Variants in SAE1 observed in about 807,000 individuals in gnomAD.
SAE1 encodes SUMO1 activating enzyme subunit 1.
SAE1 carries 11 observed loss-of-function variants against 40.6 expected under a neutral mutation model. That is an observed-to-expected ratio of 0.27 (90% CI 0.17 to 0.45). SAE1 has a LOEUF of 0.45. SAE1 is among the 20% of genes least tolerant of loss of function. The pLI, the probability that SAE1 is intolerant of heterozygous loss-of-function variation, is 1.00. For missense variants in SAE1, 373 were observed against 427.3 expected (o/e 0.87, Z 1.12); for synonymous variants, 155 against 154.3 (o/e 1.00, Z -0.03).
At chr19:47,193,804 G>T (rs867665293) in intron 6 of SAE1, among the ~76,000 whole-genome samples, 2 of 149,324 alleles carry the variant, frequency 1.3e-5, no homozygotes, top group Non-Finnish European at 3.0e-5. Context: ...CTCCAGCCTG[G>T]GCAACAGAGC....
intron 4 of SAE1, among the ~76,000 whole-genome samples, chr19:47,154,508 T>C (rs890907219): frequency 8.8e-5 from 12 of 136,908 alleles, no homozygotes; most frequent in Non-Finnish European, 1.6e-4. Flanking sequence ...TTTTTTTTTT[T>C]TTCTGAGACA....
chr19:47,150,160 C>A, intron 2 of SAE1, 42 bp from the exon 3 acceptor site: 1 of 1,337,994 alleles, frequency 7.5e-7, no homozygotes, highest in Non-Finnish European at 1.0e-6. Context: ...TTTATTTTCC[C>A]TAAAAATACA....
At position 47,150,388 on chromosome 19, in the gene SAE1, TTATAA is replaced by T. The variant is rs1347083603; in HGVS notation, c.384+14_384+18del. 4 of 1,587,642 alleles carry T rather than the reference TTATAA, an allele frequency of 2.5e-6. No individual in the cohort carries two copies. The African/African-American group carries it at 5.4e-5, about 21-fold the overall frequency. On this transcript the variant is annotated intron_variant, in intron 3 of 8. Coordinates refer to ENST00000270225, the MANE Select transcript of SAE1 (RefSeq NM_005500.3). ...TCAATTCGATGCTGTAAGTTTCTTA[TTATAA>T]AATCTGCTGTGGGAATTAAACAAAT... is the stretch of plus-strand genomic sequence containing the variant.
At chr19:47,134,828 CAG>C (rs1426986728) in intron 1 of SAE1, among the ~76,000 whole-genome samples, 3 of 151,862 alleles carry the variant, frequency 2.0e-5, no homozygotes, top group African/African-American at 7.3e-5. Context: ...AAGTCAGGGT[CAG>C]GGCATGGAAT....
At chr19:47,139,932 ATTTC>A (rs1452734184) in intron 1 of SAE1, among the ~76,000 whole-genome samples, 3 of 119,792 alleles carry the variant, frequency 2.5e-5, no homozygotes, top group Non-Finnish European at 3.5e-5. Flanking sequence ...CCACTTGGGT[ATTTC>A]TTTTTTTTTT....
chr19:47,182,767 G>C (rs530094628), intron 6 of SAE1, among the ~76,000 whole-genome samples: 178 of 152,224 alleles, frequency 1.2e-3, no homozygotes, highest in African/African-American at 3.7e-3. Flanking sequence ...ATGAAGGCCT[G>C]GCACACATTG....
At chr19:47,146,297 G>A (rs1015025019) in intron 2 of SAE1, among the ~76,000 whole-genome samples, 2 of 152,084 alleles carry the variant, frequency 1.3e-5, no homozygotes, top group African/African-American at 4.8e-5. Context: ...TGACAGGAAG[G>A]GTGACATGGT....
chr19:47,167,128 A>G (rs2058398541), intron 5 of SAE1, among the ~76,000 whole-genome samples: 1 of 151,552 alleles, frequency 6.6e-6, no homozygotes, highest in Non-Finnish European at 1.5e-5. Flanking sequence ...ATTTTTTTGT[A>G]TTTTTAGTAG....
intron 1 of SAE1, among the ~76,000 whole-genome samples, chr19:47,131,650 T>C (rs946812155): frequency 6.6e-6 from 1 of 150,508 alleles, no homozygotes; most frequent in Non-Finnish European, 1.5e-5. Context: ...TGTGTCTTGA[T>C]AGGACAGGAG....
intron 7 of SAE1, among the ~76,000 whole-genome samples, chr19:47,199,815 A>G (rs2058641080): frequency 6.6e-6 from 1 of 152,086 alleles, no homozygotes; most frequent in African/African-American, 2.4e-5. Flanking sequence ...CCACCAAGAG[A>G]TGAGTGCCCC....
chr19:47,145,380 C>T lies in SAE1; in HGVS notation c.210+1775C>T, dbSNP rs1600154286. 2.0e-5 allele frequency among the ~76,000 whole-genome samples: 3 copies of T among 152,110 alleles called. No individual in the cohort carries two copies. The East Asian group carries it at 5.8e-4, about 29-fold the overall frequency. On this transcript the variant is annotated intron_variant, in intron 2 of 8. Coordinates refer to ENST00000270225, the MANE Select transcript of SAE1 (RefSeq NM_005500.3). The stretch of plus-strand genomic sequence containing the variant: ...CAGGTTGGTCTCGAACTCCTGACCT[C>T]AGGTGATCCGCTGGCCTCGGCCTCC...
chr19:47,137,860 C>A (rs1475381953), intron 1 of SAE1, among the ~76,000 whole-genome samples: 3 of 151,622 alleles, frequency 2.0e-5, no homozygotes, highest in Non-Finnish European at 2.9e-5. Context: ...TCTGGAGTAG[C>A]TCGGATTACA....
chr19:47,210,014 TG>T lies in SAE1; in HGVS notation c.*764del, dbSNP rs2058705536. On this transcript the variant is annotated 3_prime_UTR_variant, in exon 9 of 9. Coordinates refer to ENST00000270225, the MANE Select transcript of SAE1 (RefSeq NM_005500.3). ...GCTTCAGGGCTAGGAGGGAGGAGCC[TG>T]CCCTTTTAACAGAACCCCAGTCACA... 1 of 152,210 alleles carries T rather than the reference TG, an allele frequency of 6.6e-6. No homozygotes were observed. The highest frequency in any genetic ancestry group is 2.4e-5 in the African/African-American group (1 of 41,454). The allele number at this position is 152,210 out of a possible 1,614,324, so 9.4% of individuals were successfully genotyped here.
intron 6 of SAE1, among the ~76,000 whole-genome samples, chr19:47,187,668 C>A (rs1405313408): frequency 1.2e-4 from 18 of 152,250 alleles, no homozygotes; most frequent in African/African-American, 4.1e-4. Context: ...ACTACAGGTG[C>A]CTGCCACAAC....
At chr19:47,138,568 C>T (rs1250282850) in intron 1 of SAE1, among the ~76,000 whole-genome samples, 1 of 152,204 alleles carries the variant, frequency 6.6e-6, no homozygotes, top group Non-Finnish European at 1.5e-5. Flanking sequence ...TTTGGTGTGT[C>T]TATTAATTCA....
intron 5 of SAE1, among the ~76,000 whole-genome samples, chr19:47,163,910 C>T (rs926452319): frequency 1.3e-5 from 2 of 151,786 alleles, no homozygotes; most frequent in Non-Finnish European, 2.9e-5. Context: ...GCTGGGATTA[C>T]AGGCTTGTGC....
In SAE1 at chr19:47,150,185, A is replaced by G; in HGVS notation, c.211-17A>G. ...CTAAAAATACAAGACTTAAAAAAAT[A>G]TGTGTATTATTCCTAGGTAACTCCA... On this transcript the variant is annotated splice_polypyrimidine_tract_variant and intron_variant, in intron 2 of 8. Coordinates refer to ENST00000270225, the MANE Select transcript of SAE1 (RefSeq NM_005500.3). 6.7e-7 allele frequency: 1 copy of G among 1,494,358 alleles called. No individual in the cohort carries two copies. The highest frequency in any genetic ancestry group is 1.4e-5 in the African/African-American group (1 of 70,062). The allele number at this position is 1,494,358 out of a possible 1,614,324, so 92.6% of individuals were successfully genotyped here.
chr19:47,135,381 A>T (rs1009150050), intron 1 of SAE1: 1 of 152,036 alleles, frequency 6.6e-6, no homozygotes, highest in Non-Finnish European at 1.5e-5. Context: ...GCATGAGTTC[A>T]ATTGTTTTAA....
At chr19:47,133,680 A>G (rs1306660898) in intron 1 of SAE1, among the ~76,000 whole-genome samples, 2 of 152,142 alleles carry the variant, frequency 1.3e-5, no homozygotes, top group Non-Finnish European at 2.9e-5. Context: ...TATTCTGGAT[A>G]TATTTTGAAG....
Sources: gnomAD v4.1 joint callset for allele counts (sites outside exome capture counted in the v4.1 genomes callset) on GRCh38, gnomAD v4.1.1 for gene constraint, MANE v1.5 for transcripts, NCBI Gene and HGNC (gene_info 2026-07-23, HGNC 2026-07-21) for gene names.